The following SINHCAF variants were observed in gnomAD, a reference collection of about 807,000 sequenced individuals.
The protein encoded by SINHCAF is SIN3-HDAC complex associated factor.
Under a neutral mutation model 25.8 loss-of-function variants are expected in SINHCAF, and 3 were observed. The ratio of observed to expected loss-of-function variants is 0.12; its 90% CI spans 0.05 to 0.30. The LOEUF (loss-of-function observed/expected upper bound fraction) is 0.30. Among genes scored for constraint, SINHCAF ranks in the 10% least tolerant of loss-of-function variants. The pLI, the probability that SINHCAF is intolerant of heterozygous loss-of-function variation, is 1.00. For missense variants in SINHCAF, 121 were observed against 262.3 expected (o/e 0.46, Z 3.72); for synonymous variants, 70 against 85.5 (o/e 0.82, Z 1.00).
intron 1 of SINHCAF, among the ~76,000 whole-genome samples, chr12:31,306,063 A>T (rs1383723637): frequency 1.3e-5 from 2 of 152,360 alleles, no homozygotes; most frequent in African/African-American, 4.8e-5. Flanking sequence ...TGTGAAGTTC[A>T]AAAGGGGACT....
intron 4 of SINHCAF, among the ~76,000 whole-genome samples, chr12:31,292,975 CAG>C (rs916568603): frequency 3.9e-5 from 6 of 152,170 alleles, no homozygotes; most frequent in Non-Finnish European, 7.3e-5. Context: ...GCTCTGGAAA[CAG>C]AAAGTATATT....
chr12:31,290,089 A>G (rs1336647925), intron 4 of SINHCAF, among the ~76,000 whole-genome samples: 3 of 151,986 alleles, frequency 2.0e-5, no homozygotes, highest in Non-Finnish European at 4.4e-5. Context: ...CGGCCTCCCA[A>G]AGTGCTGCAA....
chr12:31,315,885 G>A (rs752432099), intron 1 of SINHCAF, among the ~76,000 whole-genome samples: 8 of 152,114 alleles, frequency 5.3e-5, no homozygotes, highest in Non-Finnish European at 1.2e-4. Context: ...ATCAACCATG[G>A]CCGGGCGTGG....
In SINHCAF at chr12:31,324,778, G is replaced by C. The variant is rs1939888350; in HGVS notation, c.-21+1246C>G. The C allele has an allele frequency of 5.6e-6, 2 of 359,572 alleles. No individual in the cohort carries two copies. The highest frequency in any genetic ancestry group is 1.1e-5 in the Non-Finnish European group (2 of 180,112). The allele number at this position is 359,572 out of a possible 1,614,324, so 22.3% of individuals were successfully genotyped here. The stretch of plus-strand genomic sequence containing the variant: ...CGGACCCCGCGCCCCGAAGAGTCCG[G>C]AGCCTGGCCCCCCGACCCTCCCCTC... On this transcript the variant is annotated intron_variant, in intron 1 of 5. Transcript: ENST00000337682. The surrounding 1 kb of genome is among the most constrained non-coding windows in gnomAD (Gnocchi z 5.5).
intron 5 of SINHCAF, among the ~76,000 whole-genome samples, chr12:31,286,441 C>T (rs1565488655): frequency 1.3e-5 from 2 of 152,230 alleles, no homozygotes; most frequent in East Asian, 3.9e-4. Context: ...GCAGGTGGAT[C>T]ACCTAAGGTC....
chr12:31,296,441 C>G (rs1158154445), intron 2 of SINHCAF, among the ~76,000 whole-genome samples: 2 of 151,930 alleles, frequency 1.3e-5, no homozygotes, highest in African/African-American at 4.8e-5. Context: ...GCTAGGATTA[C>G]AGGTGTGAGC....
intron 1 of SINHCAF, among the ~76,000 whole-genome samples, chr12:31,315,318 C>T (rs1479247457): frequency 1.3e-5 from 2 of 152,162 alleles, no homozygotes; most frequent in African/African-American, 4.8e-5. Flanking sequence ...TTGATTCCAT[C>T]CTGCCTTTGT....
chr12:31,306,041 T>C (rs767488766), intron 1 of SINHCAF, among the ~76,000 whole-genome samples: 2 of 152,200 alleles, frequency 1.3e-5, no homozygotes, highest in Non-Finnish European at 2.9e-5. Flanking sequence ...GTAAAATAAG[T>C]TCCCCTATTG....
rs1939968420 is a variant in SINHCAF, at chr12:31,326,123, G to A, written c.-120C>T. The stretch of plus-strand genomic sequence containing the variant: ...GCGCTCCCTCCTCCTCAACTGCCTT[G>A]TCTAGAAAGATAGTCTCCTGCAGTT... On this transcript the variant is annotated 5_prime_UTR_variant, in exon 1 of 6. Coordinates refer to ENST00000337682, the MANE Select transcript of SINHCAF (RefSeq NM_001135812.2). 1 of 152,264 alleles carries A rather than the reference G, an allele frequency of 6.6e-6. No homozygotes were observed. Among genetic ancestry groups the A allele is most frequent in the African/African-American group, 2.4e-5 (1 of 41,466 alleles). 9.4% of individuals were successfully genotyped at this position (152,264 alleles called of 1,614,324 possible). A position where few individuals can be genotyped will look rare whatever the true frequency, so the allele number is the denominator to read the frequency against.
intron 1 of SINHCAF, among the ~76,000 whole-genome samples, chr12:31,305,425 C>T (rs928237707): frequency 1.3e-5 from 2 of 152,162 alleles, no homozygotes; most frequent in African/African-American, 4.8e-5. Flanking sequence ...CATCTTGATT[C>T]CCATGTGCCT....
At chr12:31,297,964 A>T in intron 2 of SINHCAF, 113 bp downstream of exon 2, 2 of 1,084,554 alleles carry the variant, frequency 1.8e-6, no homozygotes, top group Non-Finnish European at 2.7e-6. Flanking sequence ...CCTAAATTAG[A>T]ATAAGTGATT....
chr12:31,297,751 G>A (rs1303470369), intron 2 of SINHCAF, among the ~76,000 whole-genome samples: 1 of 152,026 alleles, frequency 6.6e-6, no homozygotes, highest in Admixed American at 6.6e-5. Flanking sequence ...CAGATTACTG[G>A]TGTGAGCCAC....
intron 1 of SINHCAF, among the ~76,000 whole-genome samples, chr12:31,314,476 A>C (rs1939419185): frequency 6.6e-6 from 1 of 152,098 alleles, no homozygotes; most frequent in African/African-American, 2.4e-5. Context: ...CAGTGAGCCG[A>C]GATCGCGCCA....
rs1368719421 is a variant in SINHCAF at position 31,325,052 on chromosome 12, T to C, written c.-21+972A>G. 4 of 456,814 alleles carry C rather than the reference T, an allele frequency of 8.8e-6. No homozygotes were observed. Among genetic ancestry groups the C allele is most frequent in the East Asian group, 7.0e-5 (1 of 14,378 alleles). 28.3% of individuals were successfully genotyped at this position (456,814 alleles called of 1,614,324 possible). A position where few individuals can be genotyped will look rare whatever the true frequency, so the allele number is the denominator to read the frequency against. ...AGCCCGAAGCACGTGGTCTGTCACG[T>C]AGAGCACAAAAAGCAGTGCCCTGCG... is the stretch of plus-strand genomic sequence containing the variant. On this transcript the variant is annotated intron_variant, in intron 1 of 5. Coordinates refer to ENST00000337682, the MANE Select transcript of SINHCAF (RefSeq NM_001135812.2). This position sits in a 1 kb window ranked among gnomAD's most constrained non-coding sequence, Gnocchi z 5.9.
At chr12:31,316,901 T>C (rs1405099394) in intron 1 of SINHCAF, among the ~76,000 whole-genome samples, 5 of 152,206 alleles carry the variant, frequency 3.3e-5, no homozygotes, top group African/African-American at 1.2e-4. Flanking sequence ...ATAAGGGTGT[T>C]AACTCACATT....
chr12:31,323,588 C>CA (rs1939798391), intron 1 of SINHCAF, among the ~76,000 whole-genome samples: 2 of 152,154 alleles, frequency 1.3e-5, no homozygotes, highest in Non-Finnish European at 2.9e-5. Context: ...AAAATAAAAA[C>CA]AAAGAAACTG....
At chr12:31,285,734 G>A (rs932427751) in intron 5 of SINHCAF, among the ~76,000 whole-genome samples, 3 of 152,074 alleles carry the variant, frequency 2.0e-5, no homozygotes, top group Non-Finnish European at 4.4e-5. Context: ...CCAGCACTTT[G>A]GGAGGTCAAG....
At chr12:31,310,417 A>C (rs544138107) in intron 1 of SINHCAF, among the ~76,000 whole-genome samples, 1 of 152,150 alleles carries the variant, frequency 6.6e-6, no homozygotes, top group Admixed American at 6.6e-5. Context: ...GAGGAGTCCT[A>C]GTTTTCCAGT....
At chr12:31,287,612 A>C (rs1244383275) in intron 5 of SINHCAF, 22 bp downstream of exon 5, 1 of 1,559,378 alleles carries the variant, frequency 6.4e-7, no homozygotes, top group Non-Finnish European at 8.7e-7. Context: ...TGCTGGTTAG[A>C]GAGATACTTT....
Sources: gnomAD v4.1 joint callset for allele counts (sites outside exome capture counted in the v4.1 genomes callset) on GRCh38, gnomAD v4.1.1 for gene constraint, Gnocchi (gnomAD v3.1) non-coding constraint, MANE v1.5 for transcripts, NCBI Gene and HGNC (gene_info 2026-07-23, HGNC 2026-07-21) for gene names.